Variants in SGCZ observed in about 807,000 individuals in gnomAD.
SGCZ encodes zeta-sarcoglycan.
Under a neutral mutation model 41.3 loss-of-function variants are expected in SGCZ, and 40 were observed. The observed-to-expected ratio is 0.97, with a 90% CI of 0.75 to 1.26. The LOEUF is 1.26. Among genes scored for constraint, SGCZ ranks in the 50% most tolerant of loss-of-function variants. The probability of loss-of-function intolerance (pLI) is 0.00; values close to 1 mark genes in which losing one functional copy is unlikely to be tolerated. For missense variants in SGCZ, 552 were observed against 369.8 expected, an observed-to-expected ratio of 1.49 and a Z score of -4.04; for synonymous variants, 206 against 137.5, an observed-to-expected ratio of 1.50 and a Z score of -3.49.
chr8:14,308,883 T>C (rs1801432639), intron 3 of SGCZ: 1 of 417,434 alleles, frequency 2.4e-6, no homozygotes, highest in Non-Finnish European at 4.3e-6. Context: ...AAAATGTCTG[T>C]TTGATATTCG....
chr8:14,619,889 C>T (rs1439109873), intron 1 of SGCZ, among the ~76,000 whole-genome samples: 1 of 152,112 alleles, frequency 6.6e-6, no homozygotes, highest in African/African-American at 2.4e-5. Context: ...AGATTCAATG[C>T]CATCCCATCA....
intron 1 of SGCZ, among the ~76,000 whole-genome samples, chr8:15,004,529 A>C (rs1296737156): frequency 6.6e-6 from 1 of 152,174 alleles, no homozygotes; most frequent in East Asian, 1.9e-4. Flanking sequence ...GACATCATAA[A>C]AACCCAATGC....
chr8:15,173,462 A>G (rs570756603), intron 1 of SGCZ, among the ~76,000 whole-genome samples: 1 of 152,300 alleles, frequency 6.6e-6, no homozygotes, highest in East Asian at 1.9e-4. Flanking sequence ...GCACATATCT[A>G]GGGCTCACTG....
intron 3 of SGCZ, among the ~76,000 whole-genome samples, chr8:14,244,065 C>G (rs977172220): frequency 3.9e-5 from 6 of 152,108 alleles, no homozygotes; most frequent in African/African-American, 1.4e-4. Flanking sequence ...TTACAAGATC[C>G]AGGCTACATG....
At chr8:14,158,694 C>T (rs1803951763) in intron 5 of SGCZ, among the ~76,000 whole-genome samples, 1 of 152,164 alleles carries the variant, frequency 6.6e-6, no homozygotes, top group Non-Finnish European at 1.5e-5. Flanking sequence ...ATACCAGGCC[C>T]TGAATGATGG....
intron 1 of SGCZ, among the ~76,000 whole-genome samples, chr8:14,995,196 T>C (rs887259667): frequency 6.6e-6 from 1 of 152,242 alleles, no homozygotes; most frequent in Non-Finnish European, 1.5e-5. Flanking sequence ...CAGGAGATGA[T>C]TTGGTTTTAT....
chr8:14,748,227 T>G (rs1427012686), intron 1 of SGCZ, among the ~76,000 whole-genome samples: 1 of 152,136 alleles, frequency 6.6e-6, no homozygotes, highest in African/African-American at 2.4e-5. Flanking sequence ...TTTGAGATAG[T>G]ACTAATTATC....
Position 15,190,974 on chromosome 8 carries a change from T to C in SGCZ, c.39+46611A>G, listed in dbSNP as rs566407117. On this transcript the variant is annotated intron_variant, in intron 1 of 7. Transcript: ENST00000382080. ...AGTGGACTATCTATGGATTCAGGTG[T>C]CCAATGACCTAATGTGATTCCAATC... 1.8e-4 allele frequency among the ~76,000 whole-genome samples: 28 copies of C among 152,172 alleles called. No individual in the cohort carries two copies. In the South Asian group the frequency reaches 5.0e-3, roughly 27 times the overall value.
intron 4 of SGCZ, among the ~76,000 whole-genome samples, chr8:14,173,345 G>A (rs944725789): frequency 2.6e-5 from 4 of 152,040 alleles, no homozygotes; most frequent in Admixed American, 2.6e-4. Context: ...GTTCAAAGAT[G>A]TAAAGGAAGA....
chr8:15,061,943 G>C (rs1400823576), intron 1 of SGCZ, among the ~76,000 whole-genome samples: 1 of 152,140 alleles, frequency 6.6e-6, no homozygotes, highest in Non-Finnish European at 1.5e-5. Context: ...GTATCTAGCT[G>C]ATTTTTGTGG....
At chr8:14,838,017 G>C (rs896888918) in intron 1 of SGCZ, among the ~76,000 whole-genome samples, 2 of 151,992 alleles carry the variant, frequency 1.3e-5, no homozygotes, top group Non-Finnish European at 2.9e-5. Flanking sequence ...ATAAAAAAAA[G>C]AACAAAATCC....
At chr8:15,076,091 T>C (rs1301270159) in intron 1 of SGCZ, among the ~76,000 whole-genome samples, 1 of 152,190 alleles carries the variant, frequency 6.6e-6, no homozygotes, top group African/African-American at 2.4e-5. Flanking sequence ...ATAGATACCT[T>C]TTTTCCTTCC....
intron 5 of SGCZ, among the ~76,000 whole-genome samples, chr8:14,113,171 T>C (rs1176581841): frequency 6.6e-6 from 1 of 152,092 alleles, no homozygotes; most frequent in Non-Finnish European, 1.5e-5. Context: ...AAAGCTATAA[T>C]TATTTTCCTG....
intron 2 of SGCZ, among the ~76,000 whole-genome samples, chr8:14,515,161 T>C (rs981847331): frequency 1.3e-5 from 2 of 151,942 alleles, no homozygotes; most frequent in South Asian, 2.1e-4. Flanking sequence ...TGCATTACCA[T>C]TGCTTTACAT....
Position 14,088,950 on chromosome 8 carries a change from C to A in SGCZ, c.*1493G>T, listed in dbSNP as rs1464042778. On this transcript the variant is annotated 3_prime_UTR_variant, in exon 8 of 8. Coordinates refer to ENST00000382080, the MANE Select transcript of SGCZ (RefSeq NM_139167.4). ...TTTCAACACAAATGTTGATAGTGTG[C>A]ATGAGGGAGAAAAACGTTTGATTGA... 6.6e-6 allele frequency among the ~76,000 whole-genome samples: 1 copy of A among 151,806 alleles called. No individual in the cohort carries two copies. Among genetic ancestry groups the A allele is most frequent in the Non-Finnish European group, 1.5e-5 (1 of 67,884 alleles).
intron 1 of SGCZ, among the ~76,000 whole-genome samples, chr8:15,020,140 C>A (rs1329691491): frequency 6.6e-6 from 1 of 152,044 alleles, no homozygotes; most frequent in African/African-American, 2.4e-5. Flanking sequence ...ACCAAACAAA[C>A]TGAAGATCTG....
chr8:14,443,104 G>A (rs965637383), intron 2 of SGCZ, among the ~76,000 whole-genome samples: 1 of 151,970 alleles, frequency 6.6e-6, no homozygotes. Flanking sequence ...AACTTACAAG[G>A]GACATGAAGG....
At chr8:14,847,283 G>C (rs997226948) in intron 1 of SGCZ, among the ~76,000 whole-genome samples, 2 of 152,076 alleles carry the variant, frequency 1.3e-5, no homozygotes, top group South Asian at 4.1e-4. Context: ...ACCCTGATAT[G>C]CTGATATGAA....
At chr8:14,931,534 T>G (rs562713144) in intron 1 of SGCZ, among the ~76,000 whole-genome samples, 1 of 152,138 alleles carries the variant, frequency 6.6e-6, no homozygotes, top group African/African-American at 2.4e-5. Context: ...ACATGCAGCA[T>G]AACCTTGAAT....
Sources: allele counts gnomAD v4.1 joint callset (sites outside exome capture counted in the v4.1 genomes callset), GRCh38; gene constraint gnomAD v4.1.1; transcripts MANE v1.5; gene names NCBI Gene and HGNC (gene_info 2026-07-23, HGNC 2026-07-21).